CALCOCO1: variants seen among roughly 807,000 people sequenced by gnomAD.
CALCOCO1 encodes the protein calcium binding and coiled-coil domain 1, also known as calcium-binding and coiled-coil domain-containing protein 1.
CALCOCO1 carries 44 observed loss-of-function variants against 86.3 expected under a neutral mutation model. The observed-to-expected ratio is 0.51, with a 90% CI of 0.40 to 0.66. CALCOCO1 has a LOEUF of 0.66. CALCOCO1 is among the 30% of genes least tolerant of loss of function. The probability of loss-of-function intolerance (pLI) is 0.00; values close to 1 mark genes in which losing one functional copy is unlikely to be tolerated. For synonymous variants in CALCOCO1, 297 were observed against 327.6 expected (o/e 0.91, Z 1.01); for missense variants, 708 against 851.1 (o/e 0.83, Z 2.09).
chr12:53,715,607 AC>A, intron 9 of CALCOCO1, 185 bp downstream of exon 9: 2 of 808,956 alleles, frequency 2.5e-6, no homozygotes, highest in Non-Finnish European at 3.8e-6. Context: ...GGATTGGGAT[AC>A]CCCGGTTAGG....
At chr12:53,716,146 GGTTGTGTT>G in intron 8 of CALCOCO1, 99 bp from the exon 9 acceptor site, 1 of 1,580,236 alleles carries the variant, frequency 6.3e-7, no homozygotes, top group Non-Finnish European at 8.6e-7. Flanking sequence ...TAGGACTCGG[GGTTGTGTT>G]GTTTAGTCTT....
chr12:53,713,174 T>C lies in CALCOCO1; in HGVS notation c.1824A>G (p.Ala608=), dbSNP rs766304997. ...CCTCCTCACCCCCACTCTGCACAGC[T>C]GCCATCAGGACTGACTTCTCATCTT... is the stretch of plus-strand genomic sequence containing the variant. ...EAEDEKSVLM[A]AVQSGGEEAN... The change falls in exon 14 of 15, where the codon GCA becomes GCG. Residue 608 remains alanine (A), a synonymous_variant. Transcript: ENST00000550804. 2 of 1,614,002 alleles carry C rather than the reference T, an allele frequency of 1.2e-6. No individual in the cohort carries two copies.
At chr12:53,712,700 C>T in intron 14 of CALCOCO1, 5 of 790,000 alleles carry the variant, frequency 6.3e-6, no homozygotes, top group Non-Finnish European at 7.0e-6. Context: ...ATGCTGGATC[C>T]CAGTCTTCTC....
chr12:53,719,709 G>A, intron 7 of CALCOCO1, 30 bp downstream of exon 7: 1 of 1,513,386 alleles, frequency 6.6e-7, no homozygotes, highest in South Asian at 1.1e-5. Flanking sequence ...CTGGACAATG[G>A]AGAAAGCAAA....
In CALCOCO1 at chr12:53,711,663, G is replaced by T; in HGVS notation, c.*281C>A. On this transcript the variant is annotated 3_prime_UTR_variant, in exon 15 of 15. Coordinates refer to ENST00000550804, the MANE Select transcript of CALCOCO1 (RefSeq NM_020898.3). Reference sequence around the variant, plus strand: ...AGGAGTGGACGATTCTATTCCCACAGGGGAAGGCCTCCTCCATCCCGGTTC... The same window carrying T: ...AGGAGTGGACGATTCTATTCCCACATGGGAAGGCCTCCTCCATCCCGGTTC... 1 of 353,002 alleles carries T rather than the reference G, an allele frequency of 2.8e-6. No individual in the cohort carries two copies. Among genetic ancestry groups the T allele is most frequent in the Non-Finnish European group, 5.1e-6 (1 of 196,242 alleles). 21.9% of individuals were successfully genotyped at this position (353,002 alleles called of 1,614,324 possible). A position where few individuals can be genotyped will look rare whatever the true frequency, so the allele number is the denominator to read the frequency against.
At chr12:53,721,852 G>A (rs1945878594) in intron 5 of CALCOCO1, 173 bp downstream of exon 5, 2 of 829,892 alleles carry the variant, frequency 2.4e-6, no homozygotes, top group Non-Finnish European at 3.8e-6. Context: ...TTTGGAACAT[G>A]TCTCTTGTCA....
intron 14 of CALCOCO1, chr12:53,712,805 G>A (rs1442109055): frequency 1.4e-6 from 2 of 1,392,652 alleles, no homozygotes; most frequent in Non-Finnish European, 1.9e-6. Flanking sequence ...AGAGGCAGGA[G>A]AGAGGGGAAG....
chr12:53,724,880 T>C, intron 2 of CALCOCO1, 133 bp from the exon 3 acceptor site: 10 of 836,034 alleles, frequency 1.2e-5, no homozygotes, highest in Non-Finnish European at 3.7e-6. Context: ...AAAGGGAAAG[T>C]GGAGGGACAC....
chr12:53,722,098 C>T lies in CALCOCO1; in HGVS notation c.536G>A (p.Ser179Asn), dbSNP rs1452584854. 1 of 1,613,860 alleles carries T rather than the reference C, an allele frequency of 6.2e-7. No individual in the cohort carries two copies. Among genetic ancestry groups the T allele is most frequent in the African/African-American group, 1.3e-5 (1 of 74,936 alleles). ...QLEGQVTELR[S>N]RVQELERALA... ...AGCCCTCTCGAGCTCCTGCACTCGG[C>T]TCCTCAGCTCTGTCACCTGTCCCTC... is the stretch of plus-strand genomic sequence containing the variant. Residue 179 changes from serine to asparagine, a missense_variant, in exon 5 of 15, where the codon AGC (serine) becomes AAC (asparagine). Physicochemically the swap from Ser to Asn is conservative, Grantham distance 46. Coordinates refer to ENST00000550804, the MANE Select transcript of CALCOCO1 (RefSeq NM_020898.3).
In CALCOCO1 at chr12:53,710,228, T is replaced by C. The variant is rs1945520353; in HGVS notation, c.*1716A>G. 1 of 152,216 alleles carries C rather than the reference T, an allele frequency of 6.6e-6. No homozygotes were observed. Among genetic ancestry groups the C allele is most frequent in the South Asian group, 2.1e-4 (1 of 4,822 alleles). The allele number at this position is 152,216 out of a possible 1,614,324, so 9.4% of individuals were successfully genotyped here. On this transcript the variant is annotated 3_prime_UTR_variant, in exon 15 of 15. Transcript: ENST00000550804. ...AGAGATCCATTATCTCTAATTTCCT[T>C]GGAAGGGATTCAGGGAACGGGATGG...
intron 4 of CALCOCO1, among the ~76,000 whole-genome samples, chr12:53,722,406 C>T (rs765743456): frequency 2.0e-5 from 3 of 152,168 alleles, no homozygotes; most frequent in Non-Finnish European, 4.4e-5. Context: ...CTTACCCCTC[C>T]CCACTCTAGG....
At chr12:53,720,448 C>G (rs1372812901) in intron 6 of CALCOCO1, among the ~76,000 whole-genome samples, 3 of 152,244 alleles carry the variant, frequency 2.0e-5, no homozygotes, top group African/African-American at 7.2e-5. Flanking sequence ...GGATATACAA[C>G]AGGTGGCAGG....
At chr12:53,712,670 T>C (rs935927704) in intron 14 of CALCOCO1, 2 of 550,362 alleles carry the variant, frequency 3.6e-6, no homozygotes, top group East Asian at 7.1e-5. Context: ...AGGGAAAGCA[T>C]TTCAGTTGTA....
intron 1 of CALCOCO1, among the ~76,000 whole-genome samples, chr12:53,727,192 C>T (rs1946060173): frequency 1.3e-5 from 2 of 152,114 alleles, no homozygotes; most frequent in Non-Finnish European, 2.9e-5. Flanking sequence ...GAGAGGACGA[C>T]GAGGGGGCGC....
rs560764469 is a variant in CALCOCO1, at chr12:53,719,673, G to A, written c.849+66C>T. The A allele has an allele frequency of 1.2e-5, 13 of 1,083,816 alleles. No homozygotes were observed. In the Admixed American group the frequency reaches 1.6e-4, roughly 14 times the overall value. 67.1% of individuals were successfully genotyped at this position (1,083,816 alleles called of 1,614,324 possible). On this transcript the variant is annotated intron_variant, in intron 7 of 14. Coordinates refer to ENST00000550804, the MANE Select transcript of CALCOCO1 (RefSeq NM_020898.3). Reference sequence around the variant, plus strand: ...ACATTTTTATTCCCTTTGGTGTCTGGCTCTCGAGAGGGAATCAAACACTGG... The same window carrying A: ...ACATTTTTATTCCCTTTGGTGTCTGACTCTCGAGAGGGAATCAAACACTGG...
intron 7 of CALCOCO1, among the ~76,000 whole-genome samples, chr12:53,717,883 G>A (rs1454916892): frequency 6.6e-6 from 1 of 152,106 alleles, no homozygotes; most frequent in African/African-American, 2.4e-5. Flanking sequence ...AAATTAGCTG[G>A]GCGTGGTGGC....
At position 53,713,723 on chromosome 12, in the gene CALCOCO1, G is replaced by GCTA; in HGVS notation, c.1768_1769insTAG (p.Pro589_Ala590insVal). 1 of 1,582,764 alleles carries GCTA rather than the reference G, an allele frequency of 6.3e-7. No individual in the cohort carries two copies. Among genetic ancestry groups the GCTA allele is most frequent in the Non-Finnish European group, 8.6e-7 (1 of 1,165,938 alleles). On this transcript the variant is annotated inframe_insertion, in exon 13 of 15. Coordinates refer to ENST00000550804, the MANE Select transcript of CALCOCO1 (RefSeq NM_020898.3). ...CACCGAGTCAGAGCTACTGTCCTCA[G>GCTA]CTGGCCCAGAGAGGTGAGGAGAAAT...
intron 6 of CALCOCO1, among the ~76,000 whole-genome samples, chr12:53,720,856 C>G (rs777248119): frequency 9.2e-5 from 14 of 152,162 alleles, no homozygotes; most frequent in Non-Finnish European, 1.6e-4. Context: ...GAAATTTATT[C>G]TGTGTGGCTC....
chr12:53,722,085 C>G lies in CALCOCO1; in HGVS notation c.549G>C (p.Glu183Asp). 6.2e-7 allele frequency: 1 copy of G among 1,613,974 alleles called. No homozygotes were observed. The highest frequency in any genetic ancestry group is 8.5e-7 in the Non-Finnish European group (1 of 1,180,046). The change falls in exon 5 of 15, where the codon GAG becomes GAC. Residue 183 changes from glutamate to aspartate, a missense_variant. Coordinates refer to ENST00000550804, the MANE Select transcript of CALCOCO1 (RefSeq NM_020898.3). ...QVTELRSRVQ[E>D]LERALATARQ... ...TGGCAGTTGCCAGAGCCCTCTCGAGCTCCTGCACTCGGCTCCTCAGCTCTG... is the reference window on the plus strand; with the variant it reads ...TGGCAGTTGCCAGAGCCCTCTCGAGGTCCTGCACTCGGCTCCTCAGCTCTG...
Sources: allele counts gnomAD v4.1 joint callset (sites outside exome capture counted in the v4.1 genomes callset), GRCh38; gene constraint gnomAD v4.1.1; transcripts MANE v1.5; gene names NCBI Gene and HGNC (gene_info 2026-07-23, HGNC 2026-07-21).